CNTN4: variants seen among roughly 807,000 people sequenced by gnomAD.
CNTN4 encodes the protein contactin 4, also known as contactin-4.
Under a neutral mutation model 122.5 loss-of-function variants are expected in CNTN4, and 77 were observed. The ratio of observed to expected loss-of-function variants is 0.63; its 90% confidence interval spans 0.52 to 0.76. The LOEUF is 0.76. CNTN4 is among the 30% of genes least tolerant of loss of function. The pLI, the probability that CNTN4 is intolerant of heterozygous loss-of-function variation, is 0.00. For missense variants in CNTN4, 1,256 were observed against 1,259.1 expected (o/e 1.00, Z 0.04); for synonymous variants, 512 against 447.0 (o/e 1.15, Z -1.83).
At chr3:2,224,023 G>T (rs2039166646) in intron 2 of CNTN4, among the ~76,000 whole-genome samples, 1 of 152,128 alleles carries the variant, frequency 6.6e-6, no homozygotes, top group Non-Finnish European at 1.5e-5. Context: ...ATCTTCTTAT[G>T]CAGATAAATG....
chr3:2,254,002 C>T (rs1282004116), intron 2 of CNTN4, among the ~76,000 whole-genome samples: 1 of 152,106 alleles, frequency 6.6e-6, no homozygotes, highest in Non-Finnish European at 1.5e-5. Flanking sequence ...AACCCATAAT[C>T]TACATTGGGT....
chr3:3,032,791 T>A (rs1699284242), intron 16 of CNTN4, among the ~76,000 whole-genome samples: 1 of 152,232 alleles, frequency 6.6e-6, no homozygotes. Flanking sequence ...ATCTTCTACA[T>A]GCCCCTGAGT....
chr3:2,399,320 C>A (rs2046755052), intron 3 of CNTN4, among the ~76,000 whole-genome samples: 1 of 151,908 alleles, frequency 6.6e-6, no homozygotes, highest in Non-Finnish European at 1.5e-5. Flanking sequence ...GTTATTTTTG[C>A]CCCTGTAAGT....
chr3:2,318,839 T>G (rs1337193266), intron 2 of CNTN4, among the ~76,000 whole-genome samples: 1 of 152,128 alleles, frequency 6.6e-6, no homozygotes, highest in African/African-American at 2.4e-5. Context: ...GATAAAGTCT[T>G]GCTATGTTGC....
At chr3:2,830,713 G>A (rs1294486794) in intron 7 of CNTN4, among the ~76,000 whole-genome samples, 1 of 152,102 alleles carries the variant, frequency 6.6e-6, no homozygotes, top group African/African-American at 2.4e-5. Context: ...CAGGATAGAC[G>A]GGCACCATTC....
At chr3:2,304,734 C>T (rs1461712440) in intron 2 of CNTN4, among the ~76,000 whole-genome samples, 1 of 151,070 alleles carries the variant, frequency 6.6e-6, no homozygotes, top group Non-Finnish European at 1.5e-5. Context: ...ACAGAAGGAG[C>T]TTTCTCTAAG....
chr3:2,255,862 A>G (rs2040568604), intron 2 of CNTN4, among the ~76,000 whole-genome samples: 1 of 152,214 alleles, frequency 6.6e-6, no homozygotes, highest in Non-Finnish European at 1.5e-5. Context: ...TGACAGTCTA[A>G]CATCACAGTT....
chr3:2,122,162 A>AG lies in CNTN4; in HGVS notation c.-145+21523_-145+21524insG, dbSNP rs531295056. On this transcript the variant is annotated intron_variant, in intron 2 of 24. Transcript: ENST00000418658. ...AGAGCGACACTCCATCTCAAAAAAA[A>AG]AAAAAAATTATTTTTCTTTAAAGGT... Among the ~76,000 whole-genome samples, 5 of 152,112 alleles carry AG rather than the reference A, an allele frequency of 3.3e-5. No homozygotes were observed. The South Asian group carries it at 1.0e-3, about 32-fold the overall frequency.
intron 14 of CNTN4, among the ~76,000 whole-genome samples, chr3:3,025,259 G>C (rs1484169209): frequency 6.6e-6 from 1 of 151,972 alleles, no homozygotes; most frequent in South Asian, 2.1e-4. Context: ...CGAATTGATG[G>C]TCCTTATTTT....
At chr3:2,682,868 C>G (rs2085235604) in intron 4 of CNTN4, among the ~76,000 whole-genome samples, 1 of 152,086 alleles carries the variant, frequency 6.6e-6, no homozygotes, top group South Asian at 2.1e-4. Flanking sequence ...TCAGGACAAG[C>G]CTTTAGCAAC....
rs1203235078 is a variant in CNTN4, at chr3:2,122,693, C to A, written c.-145+22054C>A. ...TTATAATTATTTCCAGATTGCCCTG[C>A]AAAGAAATTATCATAATTTACATTC... On this transcript the variant is annotated intron_variant, in intron 2 of 24. Transcript: ENST00000418658. 3.9e-5 allele frequency among the ~76,000 whole-genome samples: 6 copies of A among 152,224 alleles called. No homozygotes were observed. In the East Asian group the frequency reaches 1.2e-3, roughly 29 times the overall value.
intron 7 of CNTN4, among the ~76,000 whole-genome samples, chr3:2,834,965 G>T (rs191500164): frequency 7.4e-6 from 1 of 134,692 alleles, no homozygotes; most frequent in Non-Finnish European, 1.5e-5. Flanking sequence ...AGTGCAGTGG[G>T]GCGATCTCGG....
chr3:2,576,959 T>C (rs2079717622), intron 4 of CNTN4, among the ~76,000 whole-genome samples: 1 of 152,196 alleles, frequency 6.6e-6, no homozygotes, highest in East Asian at 1.9e-4. Context: ...CTATGGGAAG[T>C]TAACCCCGTC....
chr3:2,268,224 G>A (rs2041134183), intron 2 of CNTN4, among the ~76,000 whole-genome samples: 1 of 152,092 alleles, frequency 6.6e-6, no homozygotes, highest in Non-Finnish European at 1.5e-5. Context: ...GGCCTCTTAT[G>A]GTGAGGGAGG....
intron 13 of CNTN4, among the ~76,000 whole-genome samples, chr3:2,941,189 T>G (rs546235222): frequency 3.2e-4 from 48 of 152,294 alleles, no homozygotes; most frequent in Middle Eastern, 6.8e-3. Context: ...TTTCTCTACA[T>G]CATCAGACTC....
chr3:2,117,505 C>G (rs750503632), intron 2 of CNTN4, among the ~76,000 whole-genome samples: 1 of 152,184 alleles, frequency 6.6e-6, no homozygotes, highest in Non-Finnish European at 1.5e-5. Flanking sequence ...ACCTCACCCT[C>G]AGTCCCTCTT....
intron 2 of CNTN4, among the ~76,000 whole-genome samples, chr3:2,168,030 G>A (rs1450360046): frequency 6.6e-6 from 1 of 152,112 alleles, no homozygotes; most frequent in Non-Finnish European, 1.5e-5. Flanking sequence ...GTTCTAGCTA[G>A]GCTGAGCCAG....
At chr3:2,670,499 G>A (rs1018340160) in intron 4 of CNTN4, among the ~76,000 whole-genome samples, 1 of 152,048 alleles carries the variant, frequency 6.6e-6, no homozygotes, top group Non-Finnish European at 1.5e-5. Context: ...CTGCACGTGG[G>A]ATGGGTTTCC....
At chr3:2,545,928 C>T (rs1236842700) in intron 3 of CNTN4, among the ~76,000 whole-genome samples, 1 of 152,024 alleles carries the variant, frequency 6.6e-6, no homozygotes, top group African/African-American at 2.4e-5. Context: ...CTCAACATCA[C>T]TAATCATTAG....
Sources: allele counts gnomAD v4.1 joint callset (sites outside exome capture counted in the v4.1 genomes callset), GRCh38; gene constraint gnomAD v4.1.1; transcripts MANE v1.5; gene names NCBI Gene and HGNC (gene_info 2026-07-23, HGNC 2026-07-21).